CUBN: variants seen among roughly 807,000 people sequenced by gnomAD.
CUBN encodes 460 kDa receptor.
CUBN carries 282 observed loss-of-function variants against 405.3 expected under a neutral mutation model. The observed-to-expected ratio is 0.70, with a 90% CI of 0.63 to 0.77. The LOEUF (loss-of-function observed/expected upper bound fraction) is 0.77, where lower values mean the gene tolerates loss of function less well. Ranked by LOEUF, CUBN falls within the 30% of genes least tolerant of loss-of-function variation. The pLI is 0.00. For missense variants in CUBN, 4,514 were observed against 4,475.2 expected (o/e 1.01, Z -0.25); for synonymous variants, 1,684 against 1,617.0 (o/e 1.04, Z -0.99).
In CUBN at chr10:16,990,435, A is replaced by C. The variant is rs745823234; in HGVS notation, c.4249T>G (p.Cys1417Gly). Reference protein sequence around the residue: ...FPNRYPPNKECIWYIRTDPGS... With the variant: ...FPNRYPPNKEGIWYIRTDPGS... Reference sequence around the variant, plus strand: ...GGGTCCGTCCTAATGTACCAGATACACTCCTTGTTTGGTGGATACCTGTTG... The same window carrying C: ...GGGTCCGTCCTAATGTACCAGATACCCTCCTTGTTTGGTGGATACCTGTTG... Residue 1417 changes from cysteine (C) to glycine (G), a missense_variant, in exon 29 of 67, where the codon TGT becomes GGT. By Grantham distance (159) the Cys-to-Gly change is radical. Transcript: ENST00000377833. 6.2e-7 allele frequency: 1 copy of C among 1,613,904 alleles called. No homozygotes were observed. Among genetic ancestry groups the C allele is most frequent in the South Asian group, 1.1e-5 (1 of 91,052 alleles).
At chr10:16,907,200 A>T (rs1276393725) in intron 49 of CUBN, among the ~76,000 whole-genome samples, 1 of 152,210 alleles carries the variant, frequency 6.6e-6, no homozygotes, top group African/African-American at 2.4e-5. Context: ...CTTTCAGCAC[A>T]AAAGAATTGA....
chr10:17,022,233 G>C (rs1428144707), intron 27 of CUBN, among the ~76,000 whole-genome samples: 1 of 152,058 alleles, frequency 6.6e-6, no homozygotes, highest in Non-Finnish European at 1.5e-5. Flanking sequence ...TTCTCAAATC[G>C]GCTGCTCATC....
chr10:17,010,666 A>G (rs1162529921), intron 28 of CUBN, among the ~76,000 whole-genome samples: 1 of 152,102 alleles, frequency 6.6e-6, no homozygotes, highest in Non-Finnish European at 1.5e-5. Context: ...ATATATAAAT[A>G]TCTACTCACT....
intron 57 of CUBN, among the ~76,000 whole-genome samples, chr10:16,875,613 A>C (rs996043614): frequency 6.6e-6 from 1 of 152,228 alleles, no homozygotes; most frequent in African/African-American, 2.4e-5. Context: ...AAAGTGAATT[A>C]CATGTCAGAT....
rs767371910 is a variant in CUBN at position 16,890,536 on chromosome 10, G to T, written c.8599-9C>A. The T allele has an allele frequency of 1.9e-6, 3 of 1,614,030 alleles. No individual in the cohort carries two copies. Among genetic ancestry groups the T allele is most frequent in the Non-Finnish European group, 2.5e-6 (3 of 1,179,982 alleles). ...TCAGTTCCTGCCCACACCTAGCACG[G>T]ACATACACAGAACTTTAATGCTCAA... is the stretch of plus-strand genomic sequence containing the variant. On this transcript the variant is annotated splice_polypyrimidine_tract_variant and intron_variant, in intron 54 of 66. Transcript: ENST00000377833.
intron 59 of CUBN, among the ~76,000 whole-genome samples, chr10:16,864,605 A>G (rs1266330664): frequency 6.6e-6 from 1 of 150,770 alleles, no homozygotes; most frequent in East Asian, 1.9e-4. Flanking sequence ...CCAAGCAATG[A>G]TATCATGCAT....
At chr10:17,078,953 A>G (rs1212912435) in intron 17 of CUBN, among the ~76,000 whole-genome samples, 1 of 152,190 alleles carries the variant, frequency 6.6e-6, no homozygotes, top group Non-Finnish European at 1.5e-5. Context: ...CTACATGAGC[A>G]TGCAACTCCT....
Position 16,937,601 on chromosome 10 carries a change from T to C in CUBN, c.5917A>G (p.Ile1973Val), listed in dbSNP as rs556462218. ...TTATTACCAAACACACCTGGAGCAA[T>C]GGTAGGTAAAACACCATCAGGTGCA... ...VDAPDGVLPT[I>V]APGACGGFLR... is the part of the protein sequence containing the mutation. The change falls in exon 39 of 67, where the codon ATT (isoleucine) becomes GTT (valine). Residue 1973 changes from isoleucine to valine, a missense_variant. Ile to Val is a conservative substitution (Grantham distance 29). Transcript: ENST00000377833. 6.9e-5 allele frequency: 112 copies of C among 1,613,804 alleles called. No homozygotes were observed. Among genetic ancestry groups the C allele is most frequent in the Middle Eastern group, 3.3e-4 (2 of 6,062 alleles).
chr10:16,990,158 C>A (rs1588556620), intron 29 of CUBN, among the ~76,000 whole-genome samples, 176 bp downstream of exon 29: 1 of 152,224 alleles, frequency 6.6e-6, no homozygotes, highest in Admixed American at 6.5e-5. Flanking sequence ...TCAGGAAAAC[C>A]CAAACCACAC....
rs1372111257 is a variant in CUBN, at chr10:16,904,062, A to G, written c.7966T>C (p.Leu2656=). 6.2e-7 allele frequency: 1 copy of G among 1,613,576 alleles called. No individual in the cohort carries two copies. The highest frequency in any genetic ancestry group is 8.5e-7 in the Non-Finnish European group (1 of 1,179,478). Residue 2656 remains leucine (L), a synonymous_variant, in exon 51 of 67, where the codon TTG becomes CTG. Coordinates refer to ENST00000377833, the MANE Select transcript of CUBN (RefSeq NM_001081.4). The stretch of plus-strand genomic sequence containing the variant: ...TGAGAATAAGGTATAACCAATGGCA[A>G]TGTAGGCTTTGAAGGACCACAAAGT... ...WRLCGPSKPT[L]PLVIPYSQVW...
chr10:17,008,451 TGTGTGTGTGTGTGC>T (rs1159378975), intron 28 of CUBN, among the ~76,000 whole-genome samples: 3 of 147,456 alleles, frequency 2.0e-5, no homozygotes, highest in East Asian at 1.9e-4. Context: ...TGTGTGTGTG[TGTGTGTGTGTGTGC>T]GCGCTTAGCC....
At chr10:16,854,906 CTCCTTTCCTTCCTTCCT>C (rs1839822832) in intron 59 of CUBN, among the ~76,000 whole-genome samples, 1 of 151,334 alleles carries the variant, frequency 6.6e-6, no homozygotes, top group Non-Finnish European at 1.5e-5. Flanking sequence ...TCCATCCTCC[CTCCTTTCCTTCCTTCCT>C]TCCTTCCTTC....
chr10:17,116,559 C>T (rs1836905585), intron 6 of CUBN, among the ~76,000 whole-genome samples: 1 of 152,152 alleles, frequency 6.6e-6, no homozygotes, highest in African/African-American at 2.4e-5. Context: ...GGCGTGCCTG[C>T]GTGGCCAGGC....
intron 31 of CUBN, among the ~76,000 whole-genome samples, chr10:16,976,524 G>A (rs10904859): frequency 0.55 from 83,409 of 150,846 alleles, 23,380 homozygotes; most frequent in African/African-American, 0.59. Flanking sequence ...AGAAAAGTAC[G>A]TCATTCTATT....
At chr10:17,025,803 G>A (rs1479186245) in intron 27 of CUBN, among the ~76,000 whole-genome samples, 2 of 152,158 alleles carry the variant, frequency 1.3e-5, no homozygotes, top group African/African-American at 2.4e-5. Flanking sequence ...TGGGCATTGT[G>A]GAGACTGAGG....
intron 22 of CUBN, among the ~76,000 whole-genome samples, chr10:17,056,326 A>T (rs933489280): frequency 7.2e-5 from 11 of 152,142 alleles, no homozygotes; most frequent in Admixed American, 7.2e-4. Context: ...AACTTCTAGA[A>T]GGAGCCGGGT....
chr10:16,863,967 G>A (rs1413194672), intron 59 of CUBN, among the ~76,000 whole-genome samples: 1 of 152,142 alleles, frequency 6.6e-6, no homozygotes, highest in East Asian at 1.9e-4. Flanking sequence ...ATTCTCTGAA[G>A]ATGAAAGTGA....
intron 66 of CUBN, among the ~76,000 whole-genome samples, chr10:16,825,635 G>GTGTGTGTGTA (rs1157825097): frequency 1.1e-5 from 1 of 93,946 alleles, no homozygotes; most frequent in Non-Finnish European, 2.4e-5. Flanking sequence ...AACAGTGTGT[G>GTGTGTGTGTA]TGTGTGTGTG....
At chr10:16,872,840 T>C (rs1840400378) in intron 58 of CUBN, among the ~76,000 whole-genome samples, 1 of 152,222 alleles carries the variant, frequency 6.6e-6, no homozygotes, top group Admixed American at 6.5e-5. Flanking sequence ...CCTGGCCATC[T>C]GACAGTTTCT....
Sources: gnomAD v4.1 joint callset for allele counts (sites outside exome capture counted in the v4.1 genomes callset) on GRCh38, gnomAD v4.1.1 for gene constraint, MANE v1.5 for transcripts, NCBI Gene and HGNC (gene_info 2026-07-23, HGNC 2026-07-21) for gene names.